The following UST variants were observed in gnomAD, a reference collection of about 807,000 sequenced individuals.
UST encodes uronyl 2-sulfotransferase.
Under a neutral mutation model 45.6 loss-of-function variants are expected in UST, and 21 were observed. The observed-to-expected ratio is 0.46, with a 90% CI of 0.33 to 0.66. The LOEUF (loss-of-function observed/expected upper bound fraction) is 0.66, where lower values mean the gene tolerates loss of function less well. Ranked by LOEUF, UST falls within the 30% of genes least tolerant of loss-of-function variation. The pLI is 0.02. For missense variants in UST, 463 were observed against 512.4 expected (o/e 0.90, Z 0.93); for synonymous variants, 215 against 200.6 (o/e 1.07, Z -0.61).
At chr6:148,834,555 C>T (rs1391415844) in intron 1 of UST, among the ~76,000 whole-genome samples, 2 of 152,022 alleles carry the variant, frequency 1.3e-5, no homozygotes, top group Non-Finnish European at 2.9e-5. Flanking sequence ...AGCAATATGA[C>T]GAAACCCTGT....
At chr6:148,942,243 G>A (rs1350364098) in intron 3 of UST, among the ~76,000 whole-genome samples, 8 of 152,072 alleles carry the variant, frequency 5.3e-5, no homozygotes, top group Non-Finnish European at 1.2e-4. Flanking sequence ...ATGTTGGGAA[G>A]AAACAAGGAA....
intron 5 of UST, among the ~76,000 whole-genome samples, chr6:149,010,838 G>T (rs1212716262): frequency 7.0e-6 from 1 of 143,194 alleles, no homozygotes; most frequent in South Asian, 2.2e-4. Context: ...GTTGCAGTGA[G>T]CCGAGATCGC....
intron 1 of UST, among the ~76,000 whole-genome samples, chr6:148,850,335 A>G (rs138306803): frequency 3.9e-5 from 6 of 152,148 alleles, no homozygotes; most frequent in Non-Finnish European, 7.3e-5. Context: ...CCCGTCTTGA[A>G]GAATTTATTT....
chr6:148,874,030 A>G (rs988755403), intron 1 of UST, among the ~76,000 whole-genome samples: 2 of 152,240 alleles, frequency 1.3e-5, no homozygotes, highest in African/African-American at 4.8e-5. Context: ...TGCTGGTTAG[A>G]GGCTTGCCAT....
chr6:149,021,525 G>A (rs1182910860), intron 7 of UST, 44 bp downstream of exon 7: 1 of 1,605,210 alleles, frequency 6.2e-7, no homozygotes, highest in South Asian at 1.1e-5. Context: ...AGAGGTCTGT[G>A]TCCAGGGCTA....
At chr6:148,839,960 A>G (rs1385564235) in intron 1 of UST, among the ~76,000 whole-genome samples, 1 of 152,134 alleles carries the variant, frequency 6.6e-6, no homozygotes, top group East Asian at 1.9e-4. Flanking sequence ...TCATAGTACC[A>G]CACTACCTCC....
intron 2 of UST, among the ~76,000 whole-genome samples, chr6:148,911,206 G>A (rs1269510815): frequency 6.6e-6 from 1 of 152,174 alleles, no homozygotes; most frequent in Non-Finnish European, 1.5e-5. Flanking sequence ...TGTCTGAGAA[G>A]GTCACTCAGT....
chr6:148,756,648 TA>T (rs1479663571), intron 1 of UST, among the ~76,000 whole-genome samples: 1 of 151,970 alleles, frequency 6.6e-6, no homozygotes, highest in Non-Finnish European at 1.5e-5. Context: ...TAAACTCCTG[TA>T]AGTATTTGTT....
intron 5 of UST, among the ~76,000 whole-genome samples, chr6:148,982,089 C>G (rs1017666214): frequency 2.3e-5 from 3 of 129,278 alleles, no homozygotes; most frequent in African/African-American, 8.2e-5. Context: ...GAACTCCCTC[C>G]ATCAAGCCTT....
At chr6:148,932,763 G>A (rs1180331861) in intron 2 of UST, among the ~76,000 whole-genome samples, 2 of 152,190 alleles carry the variant, frequency 1.3e-5, no homozygotes, top group Non-Finnish European at 2.9e-5. Context: ...CAGCATGCAG[G>A]CTATTGTGTT....
chr6:149,054,844 C>A (rs1188276763), intron 7 of UST, among the ~76,000 whole-genome samples: 1 of 152,136 alleles, frequency 6.6e-6, no homozygotes, highest in Non-Finnish European at 1.5e-5. Flanking sequence ...TTGTTTTGGA[C>A]AAGGTCTCAC....
At chr6:148,800,587 A>G (rs1777037408) in intron 1 of UST, among the ~76,000 whole-genome samples, 1 of 151,988 alleles carries the variant, frequency 6.6e-6, no homozygotes, top group African/African-American at 2.4e-5. Context: ...AGTTGCTTAT[A>G]ATGGGCCACT....
intron 3 of UST, among the ~76,000 whole-genome samples, chr6:148,941,916 T>C (rs913381402): frequency 1.3e-5 from 2 of 152,186 alleles, no homozygotes; most frequent in African/African-American, 4.8e-5. Flanking sequence ...GCATTTGGAA[T>C]GTTCAGTGGT....
At chr6:148,917,467 G>T (rs1779611920) in intron 2 of UST, among the ~76,000 whole-genome samples, 1 of 152,224 alleles carries the variant, frequency 6.6e-6, no homozygotes, top group Admixed American at 6.5e-5. Flanking sequence ...TAAAAGCGGG[G>T]TTGCTTGGAC....
chr6:148,788,787 A>G (rs980537318), intron 1 of UST, among the ~76,000 whole-genome samples: 2 of 152,234 alleles, frequency 1.3e-5, no homozygotes, highest in Non-Finnish European at 2.9e-5. Flanking sequence ...ACAAATGTTC[A>G]GTAACGATCT....
rs183275401 is a variant in UST at position 148,863,556 on chromosome 6, C to A, written c.248-23430C>A. On this transcript the variant is annotated intron_variant, in intron 1 of 7. Coordinates refer to ENST00000367463, the MANE Select transcript of UST (RefSeq NM_005715.3). ...TTGTTCCGTTGCTACCAAGGAGCTG[C>A]ATTCCTCTGGAGGAGAAGAGGCACT... is the stretch of plus-strand genomic sequence containing the variant. Among the ~76,000 whole-genome samples the A allele has an allele frequency of 1.5e-3, 230 of 152,352 alleles. 7 individuals carry two copies. The East Asian group carries it at 0.036, about 24-fold the overall frequency.
chr6:148,998,985 C>T (rs1279151479), intron 5 of UST, among the ~76,000 whole-genome samples: 5 of 152,214 alleles, frequency 3.3e-5, no homozygotes, highest in African/African-American at 4.8e-5. Flanking sequence ...CACAGACAAC[C>T]AAGATGCAAA....
chr6:149,048,986 T>C (rs1461921289), intron 7 of UST, among the ~76,000 whole-genome samples: 3 of 152,324 alleles, frequency 2.0e-5, no homozygotes, highest in African/African-American at 7.2e-5. Context: ...GCCTTCAAAA[T>C]GCCCATAGCT....
At chr6:148,938,865 A>C (rs141224922) in intron 2 of UST, among the ~76,000 whole-genome samples, 1 of 151,822 alleles carries the variant, frequency 6.6e-6, no homozygotes, top group South Asian at 2.1e-4. Flanking sequence ...TATAAAAATC[A>C]TTGTCCACTA....
Sources: gnomAD v4.1 joint callset for allele counts (sites outside exome capture counted in the v4.1 genomes callset) on GRCh38, gnomAD v4.1.1 for gene constraint, MANE v1.5 for transcripts, NCBI Gene and HGNC (gene_info 2026-07-23, HGNC 2026-07-21) for gene names.